The following ULK4 variants were observed in gnomAD, a reference collection of about 807,000 sequenced individuals.
The protein encoded by ULK4 is unc-51 like kinase 4.
ULK4 carries 133 observed loss-of-function variants against 160.6 expected under a neutral mutation model. The ratio of observed to expected loss-of-function variants is 0.83; its 90% CI spans 0.72 to 0.96. The LOEUF (loss-of-function observed/expected upper bound fraction) is 0.96. ULK4 is among the 40% of genes least tolerant of loss of function. ULK4 has a pLI of 0.00. For missense variants in ULK4, 1,580 were observed against 1,499.5 expected (o/e 1.05, Z -0.89); for synonymous variants, 534 against 539.8 (o/e 0.99, Z 0.15).
chr3:41,820,992 TC>T (rs1257828149), intron 18 of ULK4, among the ~76,000 whole-genome samples: 2 of 152,082 alleles, frequency 1.3e-5, no homozygotes, highest in South Asian at 2.1e-4. Context: ...TTTCTTTCCT[TC>T]CCTTATTCTT....
chr3:41,931,841 T>A lies in ULK4; in HGVS notation c.541+3A>T. ...GATCTTTAAGCTTTCCAGGTCCACATACCTTTGACTCTACTTTTCATGCTT... is the reference window on the plus strand; with the variant it reads ...GATCTTTAAGCTTTCCAGGTCCACAAACCTTTGACTCTACTTTTCATGCTT... On this transcript the variant is annotated splice_donor_region_variant and intron_variant, in intron 5 of 36. Coordinates refer to ENST00000301831, the MANE Select transcript of ULK4 (RefSeq NM_017886.4). 6.2e-7 allele frequency: 1 copy of A among 1,613,850 alleles called. No homozygotes were observed. The highest frequency in any genetic ancestry group is 1.3e-5 in the African/African-American group (1 of 75,038).
At chr3:41,926,061 C>T (rs1005933444) in intron 5 of ULK4, among the ~76,000 whole-genome samples, 1 of 152,170 alleles carries the variant, frequency 6.6e-6, no homozygotes, top group South Asian at 2.1e-4. Context: ...TTGGGAGACA[C>T]TTCCCAGTAG....
chr3:41,647,009 T>C (rs2034526485), intron 30 of ULK4, among the ~76,000 whole-genome samples: 1 of 152,252 alleles, frequency 6.6e-6, no homozygotes, highest in Non-Finnish European at 1.5e-5. Context: ...TCTGCATTCT[T>C]CATGTAGTTC....
chr3:41,754,504 A>G lies in ULK4; in HGVS notation c.2194-16T>C. The G allele has an allele frequency of 1.9e-6, 3 of 1,604,050 alleles. No homozygotes were observed. The highest frequency in any genetic ancestry group is 2.5e-6 in the Non-Finnish European group (3 of 1,177,162). ...AGACAAAACCCTGTAGAAGACATTTAAACAATTTTTTGAGAGAACATAAAA... is the reference window on the plus strand; with the variant it reads ...AGACAAAACCCTGTAGAAGACATTTGAACAATTTTTTGAGAGAACATAAAA... On this transcript the variant is annotated splice_polypyrimidine_tract_variant and intron_variant, in intron 21 of 36. Coordinates refer to ENST00000301831, the MANE Select transcript of ULK4 (RefSeq NM_017886.4).
chr3:41,718,733 C>T (rs1281880823), intron 22 of ULK4, among the ~76,000 whole-genome samples: 2 of 152,188 alleles, frequency 1.3e-5, no homozygotes, highest in African/African-American at 4.8e-5. Context: ...TCAGGAAGAA[C>T]TTCCAACCAA....
At chr3:41,871,600 G>A (rs1019092142) in intron 17 of ULK4, among the ~76,000 whole-genome samples, 6 of 152,186 alleles carry the variant, frequency 3.9e-5, no homozygotes, top group Non-Finnish European at 8.8e-5. Context: ...GGATAATAAT[G>A]ACAAGTATAT....
At chr3:41,481,287 A>G (rs1296355207) in intron 32 of ULK4, among the ~76,000 whole-genome samples, 1 of 152,304 alleles carries the variant, frequency 6.6e-6, no homozygotes, top group South Asian at 2.1e-4. Context: ...GTCTTGTTCT[A>G]AAAATACAAA....
At chr3:41,861,744 T>C (rs1038537631) in intron 17 of ULK4, among the ~76,000 whole-genome samples, 1 of 152,186 alleles carries the variant, frequency 6.6e-6, no homozygotes, top group Non-Finnish European at 1.5e-5. Flanking sequence ...ACCTCTATCT[T>C]TCTCTACCTC....
At chr3:41,401,532 G>C (rs2125818311) in intron 34 of ULK4, among the ~76,000 whole-genome samples, 1 of 152,256 alleles carries the variant, frequency 6.6e-6, no homozygotes, top group Middle Eastern at 3.4e-3. Flanking sequence ...ATGGTGGTTA[G>C]AAATGTACAT....
intron 18 of ULK4, among the ~76,000 whole-genome samples, chr3:41,830,553 A>G (rs2041543320): frequency 6.6e-6 from 1 of 152,048 alleles, no homozygotes; most frequent in South Asian, 2.1e-4. Flanking sequence ...CATTTATCAA[A>G]TTGTGATGTT....
At chr3:41,463,306 G>A in intron 32 of ULK4, 53 bp from the exon 33 acceptor site, 2 of 1,559,508 alleles carry the variant, frequency 1.3e-6, no homozygotes, top group Non-Finnish European at 1.7e-6. Flanking sequence ...ACACAAATGT[G>A]TCATATGAAC....
chr3:41,370,265 T>C (rs934495941), intron 35 of ULK4, among the ~76,000 whole-genome samples: 8 of 152,096 alleles, frequency 5.3e-5, no homozygotes, highest in Admixed American at 1.3e-4. Context: ...GAGATGCAAT[T>C]AATGAAATCC....
At chr3:41,280,095 A>G (rs1282820001) in intron 35 of ULK4, among the ~76,000 whole-genome samples, 2 of 152,244 alleles carry the variant, frequency 1.3e-5, no homozygotes, top group African/African-American at 4.8e-5. Context: ...GACCAATTCA[A>G]CAAGAAGAGC....
At chr3:41,505,039 A>C (rs577388602) in intron 32 of ULK4, among the ~76,000 whole-genome samples, 1 of 152,324 alleles carries the variant, frequency 6.6e-6, no homozygotes, top group East Asian at 1.9e-4. Flanking sequence ...TCACACTGCT[A>C]TTATGCAGTG....
chr3:41,737,348 C>T (rs1481752866), intron 22 of ULK4, among the ~76,000 whole-genome samples: 1 of 151,914 alleles, frequency 6.6e-6, no homozygotes, highest in Non-Finnish European at 1.5e-5. Context: ...CAAACCACTG[C>T]TCAATGAAAT....
At chr3:41,813,717 TAAATTTCTAGTGA>T (rs2040880373) in intron 19 of ULK4, among the ~76,000 whole-genome samples, 1 of 152,268 alleles carries the variant, frequency 6.6e-6, no homozygotes, top group Non-Finnish European at 1.5e-5. Flanking sequence ...TCCTACAGTC[TAAATTTCTAGTGA>T]AGAAATGTAT....
At chr3:41,455,941 C>T (rs1216601737) in intron 33 of ULK4, among the ~76,000 whole-genome samples, 1 of 152,002 alleles carries the variant, frequency 6.6e-6, no homozygotes, top group Non-Finnish European at 1.5e-5. Context: ...TTGGAGTCTC[C>T]CTCTGTCACC....
intron 35 of ULK4, among the ~76,000 whole-genome samples, chr3:41,371,494 C>T (rs1278646002): frequency 6.6e-6 from 1 of 152,170 alleles, no homozygotes; most frequent in South Asian, 2.1e-4. Context: ...TGGTGATACC[C>T]AGGCAAACAG....
chr3:41,485,602 T>C (rs1020863833), intron 32 of ULK4, among the ~76,000 whole-genome samples: 1 of 152,206 alleles, frequency 6.6e-6, no homozygotes, highest in Non-Finnish European at 1.5e-5. Context: ...CTTTCTGCAA[T>C]AGTTAATTAA....
Sources: gnomAD v4.1 joint callset for allele counts (sites outside exome capture counted in the v4.1 genomes callset) on GRCh38, gnomAD v4.1.1 for gene constraint, MANE v1.5 for transcripts, NCBI Gene and HGNC (gene_info 2026-07-23, HGNC 2026-07-21) for gene names.